CHL1: variants seen among roughly 807,000 people sequenced by gnomAD.
CHL1 encodes cell adhesion molecule L1 like, also known as neural cell adhesion molecule L1-like protein.
Under a neutral mutation model 141.9 loss-of-function variants are expected in CHL1, and 96 were observed. The ratio of observed to expected loss-of-function variants is 0.68; its 90% CI spans 0.57 to 0.80. CHL1 has a LOEUF of 0.80. Ranked by LOEUF, CHL1 falls within the 30% of genes least tolerant of loss-of-function variation. The probability of loss-of-function intolerance (pLI) is 0.00; values close to 1 mark genes in which losing one functional copy is unlikely to be tolerated. For synonymous variants in CHL1, 613 were observed against 502.2 expected (o/e 1.22, Z -2.95); for missense variants, 1,820 against 1,457.2 (o/e 1.25, Z -4.05).
intron 1 of CHL1, among the ~76,000 whole-genome samples, chr3:210,928 G>A (rs1207219797): frequency 3.9e-5 from 6 of 152,198 alleles, no homozygotes; most frequent in African/African-American, 1.4e-4. Context: ...AAAGTGAGAG[G>A]AAGGAGGCGT....
intron 1 of CHL1, among the ~76,000 whole-genome samples, chr3:221,567 G>A (rs1700844025): frequency 6.6e-6 from 1 of 152,164 alleles, no homozygotes; most frequent in East Asian, 1.9e-4. Context: ...CAGACAAAAA[G>A]TCAACCCAGT....
intron 1 of CHL1, among the ~76,000 whole-genome samples, chr3:207,178 A>G (rs1321669331): frequency 6.6e-6 from 1 of 152,216 alleles, no homozygotes; most frequent in Non-Finnish European, 1.5e-5. Flanking sequence ...GCAAATGTTC[A>G]TGTATTTTTA....
intron 2 of CHL1, among the ~76,000 whole-genome samples, chr3:248,754 A>C (rs1480731795): frequency 6.6e-6 from 1 of 152,134 alleles, no homozygotes; most frequent in South Asian, 2.1e-4. Flanking sequence ...TTGCTACTGC[A>C]TTGCAGAGAA....
chr3:375,237 G>C (rs73105026), intron 15 of CHL1, among the ~76,000 whole-genome samples: 1 of 152,020 alleles, frequency 6.6e-6, no homozygotes, highest in Non-Finnish European at 1.5e-5. Flanking sequence ...ACCATTTTTA[G>C]AATTTATATC....
At chr3:388,542 C>T (rs1032214737) in intron 19 of CHL1, among the ~76,000 whole-genome samples, 65 of 127,344 alleles carry the variant, frequency 5.1e-4, no homozygotes, top group African/African-American at 9.7e-4. Context: ...AGTGAAACTC[C>T]GTCTCAAGAA....
At chr3:197,402 C>A (rs772328024) in intron 1 of CHL1, 1 of 154,380 alleles carries the variant, frequency 6.5e-6, no homozygotes. Flanking sequence ...GCCTCCGCCA[C>A]CCCATCCCTC....
chr3:326,614 G>T (rs1035079419), intron 4 of CHL1, among the ~76,000 whole-genome samples: 3 of 151,526 alleles, frequency 2.0e-5, no homozygotes, highest in Non-Finnish European at 4.4e-5. Flanking sequence ...GTTATTCTAG[G>T]TGACCATAAT....
intron 2 of CHL1, among the ~76,000 whole-genome samples, chr3:265,122 C>T (rs1695043855): frequency 6.6e-6 from 1 of 152,220 alleles, no homozygotes; most frequent in Non-Finnish European, 1.5e-5. Context: ...TTCTTATTTT[C>T]ATAGGATATG....
intron 3 of CHL1, among the ~76,000 whole-genome samples, chr3:321,963 T>A (rs1413579089): frequency 6.6e-6 from 1 of 152,102 alleles, no homozygotes; most frequent in African/African-American, 2.4e-5. Flanking sequence ...AATTAGTTAT[T>A]GCTGAGCCTT....
intron 5 of CHL1, among the ~76,000 whole-genome samples, chr3:338,667 C>T (rs1702126459): frequency 6.6e-6 from 1 of 152,098 alleles, no homozygotes; most frequent in Non-Finnish European, 1.5e-5. Flanking sequence ...AGTATGCGTC[C>T]CTGTTTTCCA....
At chr3:242,824 C>T (rs1490828974) in intron 1 of CHL1, among the ~76,000 whole-genome samples, 1 of 152,060 alleles carries the variant, frequency 6.6e-6, no homozygotes, top group Non-Finnish European at 1.5e-5. Flanking sequence ...TGTGAGCATA[C>T]AAATAAGTTT....
At chr3:379,885 C>T (rs902851700) in intron 16 of CHL1, among the ~76,000 whole-genome samples, 1 of 152,104 alleles carries the variant, frequency 6.6e-6, no homozygotes, top group Non-Finnish European at 1.5e-5. Flanking sequence ...TATATAGACA[C>T]ATACGAGGTT....
intron 5 of CHL1, among the ~76,000 whole-genome samples, chr3:333,536 C>T (rs1559268750): frequency 6.6e-6 from 1 of 151,652 alleles, no homozygotes; most frequent in Non-Finnish European, 1.5e-5. Flanking sequence ...ACCAAACAAA[C>T]AGAATGTACC....
intron 19 of CHL1, 128 bp downstream of exon 19, chr3:384,014 T>C: frequency 1.7e-6 from 1 of 580,328 alleles, no homozygotes; most frequent in East Asian, 2.8e-5. Flanking sequence ...TGAAATTAAC[T>C]TGTGAGTCAT....
chr3:394,388 A>G (rs1169396862), intron 23 of CHL1, among the ~76,000 whole-genome samples: 1 of 152,188 alleles, frequency 6.6e-6, no homozygotes, highest in Non-Finnish European at 1.5e-5. Flanking sequence ...AGCTGGCTCC[A>G]ATATAGCACA....
chr3:365,844 G>C (rs1704810670), intron 14 of CHL1, 106 bp from the exon 15 acceptor site: 3 of 755,202 alleles, frequency 4.0e-6, no homozygotes, highest in Middle Eastern at 3.7e-4. Flanking sequence ...CCCTGCATGA[G>C]GATTGGACAG....
intron 15 of CHL1, among the ~76,000 whole-genome samples, chr3:377,464 C>T (rs1706474755): frequency 6.6e-6 from 1 of 152,086 alleles, no homozygotes; most frequent in Admixed American, 6.6e-5. Context: ...TAGGTGATTC[C>T]CTAAACATAC....
intron 2 of CHL1, among the ~76,000 whole-genome samples, chr3:268,078 T>A (rs1446599311): frequency 6.6e-6 from 1 of 152,222 alleles, no homozygotes; most frequent in Non-Finnish European, 1.5e-5. Flanking sequence ...TTGCTTCAAA[T>A]GTGTTTTGCC....
intron 2 of CHL1, among the ~76,000 whole-genome samples, chr3:294,081 G>A (rs1424767783): frequency 6.6e-6 from 1 of 152,078 alleles, no homozygotes; most frequent in Non-Finnish European, 1.5e-5. Context: ...CACTTTGGGA[G>A]GCCGAGGCAG....
Sources: gnomAD v4.1 joint callset for allele counts (sites outside exome capture counted in the v4.1 genomes callset) on GRCh38, gnomAD v4.1.1 for gene constraint, MANE v1.5 for transcripts, NCBI Gene and HGNC (gene_info 2026-07-23, HGNC 2026-07-21) for gene names.